NBAS: variants seen among roughly 807,000 people sequenced by gnomAD.
NBAS encodes the protein NAG/BC035112 fusion.
In NBAS, 219 loss-of-function variants were observed where a neutral mutation model predicts 302.5. That is an observed-to-expected ratio of 0.72 (90% CI 0.65 to 0.81). NBAS has a LOEUF of 0.81. Among genes scored for constraint, NBAS ranks in the 30% least tolerant of loss-of-function variants. The pLI is 0.00. For synonymous variants in NBAS, 1,118 were observed against 1,021.6 expected, an observed-to-expected ratio of 1.09 and a Z score of -1.80; for missense variants, 2,932 against 2,841.6, an observed-to-expected ratio of 1.03 and a Z score of -0.72.
At chr2:15,465,713 T>TA (rs546062495) in intron 19 of NBAS, among the ~76,000 whole-genome samples, 12 of 151,924 alleles carry the variant, frequency 7.9e-5, no homozygotes, top group Admixed American at 5.2e-4. Flanking sequence ...CTGAATTCTC[T>TA]AAAAAAAAGT....
At chr2:15,456,875 C>T (rs1159490330) in intron 21 of NBAS, among the ~76,000 whole-genome samples, 2 of 133,468 alleles carry the variant, frequency 1.5e-5, no homozygotes, top group African/African-American at 5.5e-5. Context: ...AGACAAATAA[C>T]CATGTAACAT....
intron 48 of NBAS, among the ~76,000 whole-genome samples, chr2:15,196,942 T>C (rs1665652112): frequency 6.6e-6 from 1 of 152,158 alleles, no homozygotes; most frequent in South Asian, 2.1e-4. Flanking sequence ...ATAAAATCAC[T>C]TTATAAATGA....
intron 32 of NBAS, among the ~76,000 whole-genome samples, chr2:15,358,910 C>A (rs1484982912): frequency 6.6e-6 from 1 of 152,186 alleles, no homozygotes; most frequent in African/African-American, 2.4e-5. Context: ...ACAGTTCTGG[C>A]ATGCGGGTTA....
At chr2:15,529,750 C>A (rs1663130538) in intron 9 of NBAS, among the ~76,000 whole-genome samples, 1 of 151,956 alleles carries the variant, frequency 6.6e-6, no homozygotes. Context: ...TTTCTAACAG[C>A]AAAATTTAAA....
the NBAS span, among the ~76,000 whole-genome samples, chr2:15,138,048 G>A: frequency 5.9e-5 from 9 of 152,216 alleles, 1 homozygote; most frequent in South Asian, 1.7e-3. Context: ...CAATACACGA[G>A]AATCACAGAA....
At chr2:15,001,248 C>T in the NBAS span, among the ~76,000 whole-genome samples, 2 of 151,934 alleles carry the variant, frequency 1.3e-5, no homozygotes, top group African/African-American at 4.8e-5. Context: ...CATATATACA[C>T]ATATAGAGAG....
intron 48 of NBAS, among the ~76,000 whole-genome samples, chr2:15,217,316 T>C (rs929155249): frequency 6.6e-5 from 10 of 152,240 alleles, no homozygotes; most frequent in Non-Finnish European, 1.5e-4. Context: ...TCTATCTTTT[T>C]TGAATCTCAA....
chr2:14,896,955 T>C, the NBAS span, among the ~76,000 whole-genome samples: 2 of 152,132 alleles, frequency 1.3e-5, no homozygotes, highest in Admixed American at 1.3e-4. Context: ...TCGCAAGTCC[T>C]AGTTGGAGGC....
At chr2:15,292,797 AC>A (rs1670371078) in intron 40 of NBAS, 31 bp from the exon 41 acceptor site, 5 of 1,599,984 alleles carry the variant, frequency 3.1e-6, no homozygotes, top group Non-Finnish European at 4.3e-6. Flanking sequence ...AAGACATTTT[AC>A]CAACATCATA....
intron 49 of NBAS, among the ~76,000 whole-genome samples, chr2:15,189,825 C>T (rs905944951): frequency 2.6e-5 from 4 of 152,164 alleles, no homozygotes; most frequent in African/African-American, 9.7e-5. Flanking sequence ...AATCAGATAA[C>T]ATCACCTTCC....
At chr2:14,816,798 C>T in the NBAS span, among the ~76,000 whole-genome samples, 1 of 152,100 alleles carries the variant, frequency 6.6e-6, no homozygotes, top group African/African-American at 2.4e-5. Flanking sequence ...TATATTTATT[C>T]CCAGAGATAA....
chr2:15,466,795 T>G (rs577280855), intron 19 of NBAS, among the ~76,000 whole-genome samples: 1 of 151,946 alleles, frequency 6.6e-6, no homozygotes, highest in East Asian at 1.9e-4. Context: ...AAATTTGCCA[T>G]GTGTGGTGGC....
chr2:15,111,986 G>A, the NBAS span, among the ~76,000 whole-genome samples: 1 of 148,672 alleles, frequency 6.7e-6, no homozygotes, highest in African/African-American at 2.4e-5. Context: ...TATAGTTTGA[G>A]AAAACTAATT....
At chr2:15,550,644 T>C (rs553793533) in intron 6 of NBAS, among the ~76,000 whole-genome samples, 69 of 151,350 alleles carry the variant, frequency 4.6e-4, no homozygotes, top group Non-Finnish European at 8.7e-4. Flanking sequence ...TGGAGTCCAG[T>C]GGCTCAATCT....
At chr2:15,364,765 A>G (rs1022661988) in intron 32 of NBAS, among the ~76,000 whole-genome samples, 2 of 152,134 alleles carry the variant, frequency 1.3e-5, no homozygotes, top group African/African-American at 4.8e-5. Flanking sequence ...CCTTTGACAG[A>G]GTCCAACCCT....
At chr2:15,288,622 A>G (rs1460112253) in intron 41 of NBAS, among the ~76,000 whole-genome samples, 1 of 152,212 alleles carries the variant, frequency 6.6e-6, no homozygotes, top group Non-Finnish European at 1.5e-5. Context: ...AGTTCCAAGA[A>G]AGCAGTCCCG....
chr2:15,275,943 T>C, intron 43 of NBAS, 125 bp from the exon 44 acceptor site: 2 of 795,502 alleles, frequency 2.5e-6, no homozygotes, highest in Admixed American at 4.8e-5. Context: ...TAGCTCTAAG[T>C]AGCTAGTTTA....
At chr2:14,993,423 C>T in the NBAS span, among the ~76,000 whole-genome samples, 4 of 152,160 alleles carry the variant, frequency 2.6e-5, no homozygotes, top group East Asian at 7.7e-4. Flanking sequence ...CTTCTGCTCT[C>T]CCAAACCTCT....
the NBAS span, among the ~76,000 whole-genome samples, chr2:14,874,285 G>A: frequency 1.3e-5 from 2 of 152,120 alleles, no homozygotes; most frequent in South Asian, 2.1e-4. Context: ...AGGAAACACT[G>A]CAGAACTCTT....
Sources: allele counts gnomAD v4.1 joint callset (sites outside exome capture counted in the v4.1 genomes callset), GRCh38; gene constraint gnomAD v4.1.1; transcripts MANE v1.5; gene names NCBI Gene and HGNC (gene_info 2026-07-23, HGNC 2026-07-21).